GRIN2B: variants seen among roughly 807,000 people sequenced by gnomAD.
GRIN2B encodes the protein glutamate receptor ionotropic, NMDA 2B.
In GRIN2B, 5 loss-of-function variants were observed where a neutral mutation model predicts 114.5. The ratio of observed to expected loss-of-function variants is 0.04; its 90% confidence interval spans 0.02 to 0.09. GRIN2B has a LOEUF of 0.09. Among genes scored for constraint, GRIN2B ranks in the 10% least tolerant of loss-of-function variants. The pLI is 1.00. For synonymous variants in GRIN2B, 787 were observed against 745.1 expected (o/e 1.06, Z -0.92); for missense variants, 1,108 against 1,943.5 (o/e 0.57, Z 8.08).
chr12:13,543,866 C>T lies in GRIN2B; in HGVS notation c.*18917G>A, dbSNP rs2136380755. ...CATCTGTGCCCAAATGCACTATCTC[C>T]CTGCTATTAATACAAACAAACCTGG... On this transcript the variant is annotated 3_prime_UTR_variant, in exon 14 of 14. Transcript: ENST00000609686. The T allele has an allele frequency of 6.6e-6, 1 of 152,266 alleles. No individual in the cohort carries two copies. Among genetic ancestry groups the T allele is most frequent in the East Asian group, 1.9e-4 (1 of 5,180 alleles). The allele number at this position is 152,266 out of a possible 1,614,324, so 9.4% of individuals were successfully genotyped here.
chr12:13,828,347 C>A (rs113808361), intron 3 of GRIN2B, among the ~76,000 whole-genome samples: 5 of 152,272 alleles, frequency 3.3e-5, no homozygotes, highest in African/African-American at 1.2e-4. Context: ...AGTGGGAATT[C>A]TGGGAATTGT....
At position 13,546,051 on chromosome 12, in the gene GRIN2B, T is replaced by C. The variant is rs1948337130; in HGVS notation, c.*16732A>G. 1 of 152,182 alleles carries C rather than the reference T, an allele frequency of 6.6e-6. No homozygotes were observed. The highest frequency in any genetic ancestry group is 1.5e-5 in the Non-Finnish European group (1 of 68,032). 9.4% of individuals were successfully genotyped at this position (152,182 alleles called of 1,614,324 possible). On this transcript the variant is annotated 3_prime_UTR_variant, in exon 14 of 14. Coordinates refer to ENST00000609686, the MANE Select transcript of GRIN2B (RefSeq NM_000834.5). Reference sequence around the variant, plus strand: ...AGTGATTTCACTGGAGATGGGAAGATATAATTTTATTTAACAGATTTTCTC... The same window carrying C: ...AGTGATTTCACTGGAGATGGGAAGACATAATTTTATTTAACAGATTTTCTC...
intron 3 of GRIN2B, among the ~76,000 whole-genome samples, chr12:13,827,468 TTTTA>T (rs992358093): frequency 3.9e-5 from 6 of 152,124 alleles, no homozygotes; most frequent in Admixed American, 2.6e-4. Context: ...ATACTGTTCT[TTTTA>T]CTCTCTGTGC....
At chr12:13,952,408 A>T (rs1867500249) in intron 2 of GRIN2B, among the ~76,000 whole-genome samples, 1 of 152,210 alleles carries the variant, frequency 6.6e-6, no homozygotes, top group Admixed American at 6.5e-5. Context: ...GGTCCTCCTG[A>T]ATGGCATTAC....
At chr12:13,957,670 G>C (rs941016418) in intron 2 of GRIN2B, among the ~76,000 whole-genome samples, 1 of 152,078 alleles carries the variant, frequency 6.6e-6, no homozygotes, top group African/African-American at 2.4e-5. Context: ...AGGAGCTGGC[G>C]GTTTCTCCTC....
chr12:13,916,714 C>T (rs188797034), intron 2 of GRIN2B, among the ~76,000 whole-genome samples: 4 of 53,980 alleles, frequency 7.4e-5, no homozygotes, highest in Non-Finnish European at 1.6e-4. Context: ...TATACATATA[C>T]ACACACACAC....
intron 2 of GRIN2B, among the ~76,000 whole-genome samples, chr12:13,880,456 G>A (rs942875523): frequency 6.6e-6 from 1 of 152,214 alleles, no homozygotes; most frequent in Non-Finnish European, 1.5e-5. Flanking sequence ...TCGGGAGGAA[G>A]AGGAACAGAT....
At chr12:13,833,860 G>C (rs936580701) in intron 3 of GRIN2B, among the ~76,000 whole-genome samples, 1 of 151,770 alleles carries the variant, frequency 6.6e-6, no homozygotes. Context: ...CCTCCCTAAT[G>C]AAGATTACAG....
chr12:13,802,036 C>T (rs1003390600), intron 3 of GRIN2B, among the ~76,000 whole-genome samples: 1 of 152,058 alleles, frequency 6.6e-6, no homozygotes, highest in African/African-American at 2.4e-5. Flanking sequence ...TTCTTCCGTG[C>T]TTGGGTGCTC....
At chr12:13,863,934 A>G (rs1255804826) in intron 3 of GRIN2B, among the ~76,000 whole-genome samples, 4 of 152,258 alleles carry the variant, frequency 2.6e-5, no homozygotes, top group African/African-American at 7.2e-5. Context: ...ATTCTTTCAA[A>G]GCAAAATTGT....
intron 3 of GRIN2B, among the ~76,000 whole-genome samples, chr12:13,767,125 T>C (rs2136642068): frequency 6.6e-6 from 1 of 152,072 alleles, no homozygotes; most frequent in East Asian, 1.9e-4. Flanking sequence ...CCGGGCGTGG[T>C]GGCGGGCGCC....
Position 13,547,981 on chromosome 12 carries a change from A to ATATATT in GRIN2B, c.*14801_*14802insAATATA. The ATATATT allele has an allele frequency of 6.7e-3, 460 of 68,558 alleles. 8 individuals are homozygous for ATATATT. Among genetic ancestry groups the ATATATT allele is most frequent in the African/African-American group, 0.019 (413 of 21,746 alleles). The allele number at this position is 68,558 out of a possible 1,614,324, so 4.2% of individuals were successfully genotyped here. On this transcript the variant is annotated 3_prime_UTR_variant, in exon 14 of 14. Transcript: ENST00000609686. Reference sequence around the variant, plus strand: ...TGTGTATATATATATATATATATATATTTTTTTTTTTTTTCTGAAAGCTAC... The same window carrying ATATATT: ...TGTGTATATATATATATATATATATATATATTTTTTTTTTTTTTTTCTGAAAGCTAC...
intron 4 of GRIN2B, among the ~76,000 whole-genome samples, chr12:13,699,830 G>A (rs1008446357): frequency 8.7e-5 from 13 of 149,870 alleles, no homozygotes; most frequent in African/African-American, 1.5e-4. Context: ...CTTGTGATCC[G>A]CCCACCTCAG....
chr12:13,642,684 C>T (rs1012716223), intron 5 of GRIN2B, among the ~76,000 whole-genome samples: 4 of 152,114 alleles, frequency 2.6e-5, no homozygotes, highest in Non-Finnish European at 4.4e-5. Flanking sequence ...TTATGCATTC[C>T]TTCTCCGTGC....
chr12:13,584,858 G>A (rs534311690), intron 10 of GRIN2B, among the ~76,000 whole-genome samples: 3 of 152,306 alleles, frequency 2.0e-5, no homozygotes, highest in South Asian at 2.1e-4. Flanking sequence ...GGTGGCCTTC[G>A]TTGAGCTCCT....
chr12:13,965,580 C>CACACACACAT (rs60900037), intron 2 of GRIN2B, among the ~76,000 whole-genome samples: 2 of 151,300 alleles, frequency 1.3e-5, no homozygotes, highest in Admixed American at 1.3e-4. Context: ...CACACACACA[C>CACACACACAT]GTGTGTGTGA....
chr12:13,586,239 T>C (rs1948923554), intron 10 of GRIN2B, among the ~76,000 whole-genome samples: 1 of 152,206 alleles, frequency 6.6e-6, no homozygotes, highest in Admixed American at 6.5e-5. Context: ...CAAAAGACCA[T>C]ACATGGTTTA....
chr12:13,773,362 T>C (rs1385465400), intron 3 of GRIN2B, among the ~76,000 whole-genome samples: 1 of 152,236 alleles, frequency 6.6e-6, no homozygotes, highest in African/African-American at 2.4e-5. Context: ...ATCTCAGATC[T>C]GTACATGCAG....
At chr12:13,846,985 C>A (rs924465847) in intron 3 of GRIN2B, among the ~76,000 whole-genome samples, 1 of 152,022 alleles carries the variant, frequency 6.6e-6, no homozygotes, top group African/African-American at 2.4e-5. Context: ...AGGCCAAACA[C>A]GTGTCGCGGT....
Sources: gnomAD v4.1 joint callset for allele counts (sites outside exome capture counted in the v4.1 genomes callset) on GRCh38, gnomAD v4.1.1 for gene constraint, MANE v1.5 for transcripts, NCBI Gene and HGNC (gene_info 2026-07-23, HGNC 2026-07-21) for gene names.